The following NTM variants were observed in gnomAD, a reference collection of about 807,000 sequenced individuals.
The protein encoded by NTM is neurotrimin, also known as IgLON family member 2.
In NTM, 13 loss-of-function variants were observed where a neutral mutation model predicts 42.1. The ratio of observed to expected loss-of-function variants is 0.31; its 90% CI spans 0.20 to 0.49. NTM has a LOEUF of 0.49. Ranked by LOEUF, NTM falls within the 20% of genes least tolerant of loss-of-function variation. NTM has a pLI of 0.99. For missense variants in NTM, 373 were observed against 452.8 expected, an observed-to-expected ratio of 0.82 and a Z score of 1.60; for synonymous variants, 187 against 179.2, an observed-to-expected ratio of 1.04 and a Z score of -0.35.
intron 2 of NTM, among the ~76,000 whole-genome samples, chr11:132,016,961 C>G (rs1454824837): frequency 6.6e-6 from 1 of 151,892 alleles, no homozygotes; most frequent in Non-Finnish European, 1.5e-5. Flanking sequence ...GGTGTCTATT[C>G]AAATATTTTG....
At chr11:131,492,317 CAGT>C (rs10546936) in intron 1 of NTM, among the ~76,000 whole-genome samples, 6,623 of 152,274 alleles carry the variant, frequency 0.043, 173 homozygotes, top group Non-Finnish European at 0.058. Flanking sequence ...ACCCAGCTAT[CAGT>C]GGTGGTATTA....
At chr11:132,138,891 C>A (rs1253502208) in intron 2 of NTM, among the ~76,000 whole-genome samples, 1 of 152,100 alleles carries the variant, frequency 6.6e-6, no homozygotes, top group Non-Finnish European at 1.5e-5. Context: ...ACAGATACAC[C>A]CAGAAATAAC....
rs1307341145 is a variant in NTM at position 132,113,543 on chromosome 11, C to T, written c.168-32739C>T. On this transcript the variant is annotated intron_variant, in intron 2 of 8. Coordinates refer to ENST00000683400, the MANE Select transcript of NTM (RefSeq NM_001352005.2). ...AGCTCTGGCATGCACTGGATTCTCT[C>T]GCCGCACCCGCTTCATCAACCTGGA... Among the ~76,000 whole-genome samples, 7 of 152,290 alleles carry T rather than the reference C, an allele frequency of 4.6e-5. No individual in the cohort carries two copies. The East Asian group carries it at 5.8e-4, about 13-fold the overall frequency.
rs1565688019 is a variant in NTM at position 131,599,338 on chromosome 11, TGTCTACCC to T, written c.82+228451_82+228458del. 7.3e-5 allele frequency among the ~76,000 whole-genome samples: 4 copies of T among 54,888 alleles called. 1 individual carries two copies. The East Asian group carries it at 3.8e-3, about 52-fold the overall frequency. The allele number at this position is 54,888 out of a possible 152,430, so 36.0% of individuals were successfully genotyped here. A position where few individuals can be genotyped will look rare whatever the true frequency, so the allele number is the denominator to read the frequency against. On this transcript the variant is annotated intron_variant, in intron 1 of 8. Coordinates refer to ENST00000683400, the MANE Select transcript of NTM (RefSeq NM_001352005.2). ...TCTACCCAGTCTCCGGCAGATGCCC[TGTCTACCC>T]AGTCTCCGGCAGATGCCCTGTCTAC...
At chr11:131,972,049 A>AAAAAAAAAAAG (rs2063630565) in intron 2 of NTM, among the ~76,000 whole-genome samples, 1 of 147,882 alleles carries the variant, frequency 6.8e-6, no homozygotes, top group Non-Finnish European at 1.5e-5. Context: ...TCTCAAAAAA[A>AAAAAAAAAAAG]AAAAAAAAAA....
chr11:131,739,837 A>C (rs1393508252), intron 1 of NTM, among the ~76,000 whole-genome samples: 2 of 152,212 alleles, frequency 1.3e-5, no homozygotes, highest in Admixed American at 1.3e-4. Context: ...AAATGCAGAC[A>C]GGTCTATAGC....
At chr11:131,820,474 T>A (rs1023242127) in intron 1 of NTM, among the ~76,000 whole-genome samples, 4 of 152,236 alleles carry the variant, frequency 2.6e-5, no homozygotes, top group East Asian at 1.9e-4. Flanking sequence ...ATATGTATTA[T>A]GAAAGAATTT....
intron 1 of NTM, among the ~76,000 whole-genome samples, chr11:131,406,643 TAATAA>T (rs537125410): frequency 2.0e-5 from 3 of 152,288 alleles, no homozygotes; most frequent in South Asian, 2.1e-4. Context: ...CAAAAACTAA[TAATAA>T]AATAAAACAA....
At chr11:132,315,276 C>CTGTATTGATATCAGAAGAAAGTGAG (rs2095398351) in intron 7 of NTM, among the ~76,000 whole-genome samples, 1 of 152,190 alleles carries the variant, frequency 6.6e-6, no homozygotes, top group Non-Finnish European at 1.5e-5. Flanking sequence ...TATCTGGCTA[C>CTGTATTGATATCAGAAGAAAGTGAG]TGTATTGATA....
intron 1 of NTM, among the ~76,000 whole-genome samples, chr11:131,422,416 T>C (rs1316569586): frequency 1.3e-5 from 2 of 152,150 alleles, no homozygotes; most frequent in African/African-American, 4.8e-5. Flanking sequence ...CAGTGTTAGA[T>C]TGAGAAATGT....
At chr11:132,245,738 C>G (rs928056130) in intron 4 of NTM, among the ~76,000 whole-genome samples, 3 of 152,040 alleles carry the variant, frequency 2.0e-5, no homozygotes, top group Admixed American at 1.3e-4. Flanking sequence ...ACTTAGTATC[C>G]CTTCCCCTCA....
chr11:132,302,600 C>A (rs2094908013), intron 4 of NTM, among the ~76,000 whole-genome samples: 1 of 152,110 alleles, frequency 6.6e-6, no homozygotes, highest in South Asian at 2.1e-4. Flanking sequence ...AAGAAGTTGG[C>A]AAATTTTAAA....
chr11:131,534,876 G>A (rs2051899496), intron 1 of NTM: 3 of 152,174 alleles, frequency 2.0e-5, no homozygotes, highest in South Asian at 2.1e-4. Context: ...GCGTGGACTC[G>A]GCCCCCACTC....
intron 1 of NTM, among the ~76,000 whole-genome samples, chr11:131,474,198 C>A (rs938332906): frequency 1.3e-5 from 2 of 152,144 alleles, no homozygotes; most frequent in Non-Finnish European, 2.9e-5. Context: ...ATGCTCTGAT[C>A]TTTCTCTGAA....
chr11:132,177,560 G>C (rs905289939), intron 3 of NTM, among the ~76,000 whole-genome samples: 1 of 152,148 alleles, frequency 6.6e-6, no homozygotes, highest in Admixed American at 6.5e-5. Context: ...TAACAAATCA[G>C]ATGAAATACA....
intron 1 of NTM, among the ~76,000 whole-genome samples, chr11:131,482,827 A>T (rs1204327672): frequency 6.6e-6 from 1 of 152,210 alleles, no homozygotes; most frequent in Non-Finnish European, 1.5e-5. Context: ...AAAAGGCAGA[A>T]ACAGAGCAAA....
chr11:132,255,767 T>G (rs928466028), intron 4 of NTM, among the ~76,000 whole-genome samples: 1 of 152,166 alleles, frequency 6.6e-6, no homozygotes, highest in African/African-American at 2.4e-5. Context: ...CTGCTTTCCA[T>G]GCAGCTCTGC....
chr11:131,802,624 C>T (rs1201922678), intron 1 of NTM, among the ~76,000 whole-genome samples: 1 of 152,172 alleles, frequency 6.6e-6, no homozygotes, highest in Non-Finnish European at 1.5e-5. Flanking sequence ...TCTCCCTGTG[C>T]CATCAGCAGC....
chr11:132,323,319 C>T (rs375378652), intron 7 of NTM, among the ~76,000 whole-genome samples: 21 of 149,200 alleles, frequency 1.4e-4, no homozygotes, highest in African/African-American at 2.5e-4. Context: ...ATCAAATAGA[C>T]GCAATAAAAA....
Sources: allele counts gnomAD v4.1 joint callset (sites outside exome capture counted in the v4.1 genomes callset), GRCh38; gene constraint gnomAD v4.1.1; transcripts MANE v1.5; gene names NCBI Gene and HGNC (gene_info 2026-07-23, HGNC 2026-07-21).